The following RHOBTB3 variants were observed in gnomAD, a reference collection of about 807,000 sequenced individuals.
RHOBTB3 encodes rho-related BTB domain-containing protein 3.
RHOBTB3 carries 47 observed loss-of-function variants against 67.2 expected under a neutral mutation model. That is an observed-to-expected ratio of 0.70 (90% confidence interval 0.55 to 0.89). The LOEUF (loss-of-function observed/expected upper bound fraction) is 0.89, where lower values mean the gene tolerates loss of function less well. Among genes scored for constraint, RHOBTB3 ranks in the 40% least tolerant of loss-of-function variants. The pLI is 0.00. For synonymous variants in RHOBTB3, 273 were observed against 274.2 expected (o/e 1.00, Z 0.04); for missense variants, 631 against 750.0 (o/e 0.84, Z 1.85).
chr5:95,769,935 A>C (rs1745659208), intron 8 of RHOBTB3: 1 of 408,542 alleles, frequency 2.4e-6, no homozygotes, highest in South Asian at 1.9e-5. Context: ...TATAGCAGTA[A>C]AAGCTCCAGG....
intron 1 of RHOBTB3, among the ~76,000 whole-genome samples, chr5:95,722,623 G>C (rs1361361634): frequency 6.6e-6 from 1 of 152,120 alleles, no homozygotes; most frequent in East Asian, 1.9e-4. Context: ...CCAAGTAGCT[G>C]GGACTACAGG....
chr5:95,791,597 T>C (rs1175307965), intron 11 of RHOBTB3, among the ~76,000 whole-genome samples: 4 of 152,316 alleles, frequency 2.6e-5, no homozygotes, highest in African/African-American at 7.2e-5. Context: ...ATCTGACTTA[T>C]AATAGATGAG....
At chr5:95,779,290 T>C (rs2112828395) in intron 8 of RHOBTB3, among the ~76,000 whole-genome samples, 1 of 152,288 alleles carries the variant, frequency 6.6e-6, no homozygotes, top group South Asian at 2.1e-4. Flanking sequence ...TAAAAACTGC[T>C]CCAAAGCAGA....
chr5:95,755,470 T>C lies in RHOBTB3; in HGVS notation c.757T>C (p.Cys253Arg). 1.2e-6 allele frequency: 2 copies of C among 1,613,660 alleles called. No homozygotes were observed. Among genetic ancestry groups the C allele is most frequent in the Non-Finnish European group, 1.7e-6 (2 of 1,179,718 alleles). The part of the protein sequence containing the change: ...DLNNLLFCCQ[C>R]VDVVFYNPNL... ...AAATAACTTGCTGTTCTGCTGCCAGTGTGTGGACGTGGTATTTTACAACCC... is the reference window on the plus strand; with the variant it reads ...AAATAACTTGCTGTTCTGCTGCCAGCGTGTGGACGTGGTATTTTACAACCC... Residue 253 changes from cysteine (C) to arginine (R), a missense_variant, in exon 6 of 12, where the codon TGT (cysteine) becomes CGT (arginine). By Grantham distance (180) the Cys-to-Arg change is radical. Coordinates refer to ENST00000379982, the MANE Select transcript of RHOBTB3 (RefSeq NM_014899.4).
intron 7 of RHOBTB3, among the ~76,000 whole-genome samples, chr5:95,764,836 T>C (rs1303649598): frequency 1.3e-5 from 2 of 152,196 alleles, no homozygotes; most frequent in African/African-American, 4.8e-5. Flanking sequence ...ATAGTCTTTT[T>C]TGTAAACAAA....
At chr5:95,743,355 A>G (rs1044980536) in intron 3 of RHOBTB3, among the ~76,000 whole-genome samples, 6 of 152,104 alleles carry the variant, frequency 3.9e-5, no homozygotes, top group Non-Finnish European at 7.4e-5. Context: ...ACCCAGGATC[A>G]ACAGGCTTGG....
intron 2 of RHOBTB3, among the ~76,000 whole-genome samples, chr5:95,733,878 A>C (rs1202709315): frequency 2.0e-5 from 3 of 152,212 alleles, no homozygotes; most frequent in Non-Finnish European, 4.4e-5. Flanking sequence ...GAGCAGATAG[A>C]GCATAGCCTT....
Position 95,794,179 on chromosome 5 carries a change from TCA to T in RHOBTB3, c.*1008_*1009del. 2.7e-6 allele frequency: 1 copy of T among 374,548 alleles called. No individual in the cohort carries two copies. Among genetic ancestry groups the T allele is most frequent in the Non-Finnish European group, 5.2e-6 (1 of 191,040 alleles). 23.2% of individuals were successfully genotyped at this position (374,548 alleles called of 1,614,324 possible). A position where few individuals can be genotyped will look rare whatever the true frequency, so the allele number is the denominator to read the frequency against. ...TTGTGTTGTCTTAGCTTTAAAACAG[TCA>T]CAGTTCTTGCTCTATCATAGATGAA... On this transcript the variant is annotated 3_prime_UTR_variant, in exon 12 of 12. Transcript: ENST00000379982.
At chr5:95,748,554 C>T in intron 4 of RHOBTB3, 67 bp downstream of exon 4, 4 of 1,242,232 alleles carry the variant, frequency 3.2e-6, no homozygotes, top group Non-Finnish European at 4.5e-6. Flanking sequence ...TTTTGTAGAA[C>T]ATCAGTTAGA....
Position 95,761,134 on chromosome 5 carries a change from T to A in RHOBTB3, c.1049-2374T>A, listed in dbSNP as rs547914002. ...GATAATCTTCTGAATGGAGATATTT[T>A]ATAGGTGTTTTTTAGTTAATATGCT... On this transcript the variant is annotated intron_variant, in intron 6 of 11. Coordinates refer to ENST00000379982, the MANE Select transcript of RHOBTB3 (RefSeq NM_014899.4). Among the ~76,000 whole-genome samples, 124 of 152,288 alleles carry A rather than the reference T, an allele frequency of 8.1e-4. 2 individuals carry two copies. The highest frequency in any genetic ancestry group is 6.8e-3 in the Middle Eastern group (2 of 294).
intron 8 of RHOBTB3, among the ~76,000 whole-genome samples, chr5:95,775,353 T>C (rs1435170916): frequency 6.6e-6 from 1 of 150,792 alleles, no homozygotes; most frequent in Non-Finnish European, 1.5e-5. Flanking sequence ...GCTAAACTAT[T>C]AAGGAGATTA....
At chr5:95,760,050 C>T in intron 6 of RHOBTB3, among the ~76,000 whole-genome samples, 1 of 151,636 alleles carries the variant, frequency 6.6e-6, no homozygotes, top group East Asian at 1.9e-4. Flanking sequence ...TGTGTTATGT[C>T]ACCATGAACA....
intron 7 of RHOBTB3, among the ~76,000 whole-genome samples, chr5:95,767,525 A>G (rs1217148270): frequency 2.0e-5 from 3 of 152,086 alleles, no homozygotes; most frequent in South Asian, 2.1e-4. Flanking sequence ...TTCAGTAGAA[A>G]CAGGGTTTTG....
In RHOBTB3 at chr5:95,777,364, A is replaced by G. The variant is rs568887846; in HGVS notation, c.1283-2888A>G. Among the ~76,000 whole-genome samples the G allele has an allele frequency of 5.9e-5, 9 of 152,334 alleles. No individual in the cohort carries two copies. The South Asian group carries it at 1.9e-3, about 32-fold the overall frequency. ...ATTTTATTTTAGTAAACAGTCAAAGATTCTTGATAATCTATGTAAAGTGAC... is the reference window on the plus strand; with the variant it reads ...ATTTTATTTTAGTAAACAGTCAAAGGTTCTTGATAATCTATGTAAAGTGAC... On this transcript the variant is annotated intron_variant, in intron 8 of 11. Transcript: ENST00000379982.
At chr5:95,735,570 G>A (rs1229136193) in intron 2 of RHOBTB3, among the ~76,000 whole-genome samples, 3 of 152,098 alleles carry the variant, frequency 2.0e-5, no homozygotes, top group East Asian at 3.9e-4. Flanking sequence ...TTCAAAGTTT[G>A]AACTTTCTTA....
chr5:95,785,774 T>C (rs987029670), intron 10 of RHOBTB3, among the ~76,000 whole-genome samples: 1 of 152,216 alleles, frequency 6.6e-6, no homozygotes, highest in African/African-American at 2.4e-5. Flanking sequence ...TTGTTCATAC[T>C]TTTTAAAAAA....
chr5:95,775,392 GTA>G (rs1014224750), intron 8 of RHOBTB3, among the ~76,000 whole-genome samples: 10 of 146,380 alleles, frequency 6.8e-5, no homozygotes, highest in African/African-American at 1.5e-4. Flanking sequence ...GAATGTGTGT[GTA>G]TATATATATG....
chr5:95,754,890 C>T (rs1745197379), intron 5 of RHOBTB3, among the ~76,000 whole-genome samples: 1 of 152,142 alleles, frequency 6.6e-6, no homozygotes, highest in Non-Finnish European at 1.5e-5. Context: ...ACAGCTCAGC[C>T]CTCTACCTCT....
At position 95,752,351 on chromosome 5, in the gene RHOBTB3, G is replaced by T. The variant is rs1745115577; in HGVS notation, c.682+1G>T. 6.3e-7 allele frequency: 1 copy of T among 1,575,932 alleles called. No homozygotes were observed. The highest frequency in any genetic ancestry group is 1.4e-5 in the African/African-American group (1 of 73,650). On this transcript the variant is annotated splice_donor_variant, in intron 5 of 11. Transcript: ENST00000379982. LOFTEE classifies it high-confidence loss of function. ...AGACCACCTCAACTTGAACAACCAGGTGCATTTCTTAGCCAATGTCTAGAC... is the reference window on the plus strand; with the variant it reads ...AGACCACCTCAACTTGAACAACCAGTTGCATTTCTTAGCCAATGTCTAGAC...
Sources: allele counts gnomAD v4.1 joint callset (sites outside exome capture counted in the v4.1 genomes callset), GRCh38; gene constraint gnomAD v4.1.1; transcripts MANE v1.5; gene names NCBI Gene and HGNC (gene_info 2026-07-23, HGNC 2026-07-21).